CCSER1: variants seen among roughly 807,000 people sequenced by gnomAD.
The protein encoded by CCSER1 is coiled-coil serine rich protein 1.
Under a neutral mutation model 82.0 loss-of-function variants are expected in CCSER1, and 41 were observed. The ratio of observed to expected loss-of-function variants is 0.50; its 90% CI spans 0.39 to 0.65. The LOEUF is 0.65. CCSER1 is among the 30% of genes least tolerant of loss of function. The pLI is 0.00. For synonymous variants in CCSER1, 414 were observed against 383.9 expected (o/e 1.08, Z -0.92); for missense variants, 1,119 against 1,064.2 (o/e 1.05, Z -0.72).
At chr4:90,330,763 A>G (rs1252267138) in intron 3 of CCSER1, among the ~76,000 whole-genome samples, 1 of 152,196 alleles carries the variant, frequency 6.6e-6, no homozygotes, top group Non-Finnish European at 1.5e-5. Flanking sequence ...CTTGAAGGGA[A>G]CTTACTATTA....
chr4:91,182,122 T>C (rs1734091275), intron 10 of CCSER1, among the ~76,000 whole-genome samples: 1 of 152,150 alleles, frequency 6.6e-6, no homozygotes, highest in Non-Finnish European at 1.5e-5. Flanking sequence ...TCGATGGGTG[T>C]TGCTCATGAC....
At chr4:91,069,257 T>C (rs1021275020) in intron 9 of CCSER1, among the ~76,000 whole-genome samples, 7 of 152,186 alleles carry the variant, frequency 4.6e-5, no homozygotes, top group African/African-American at 1.4e-4. Context: ...GATTACCTAG[T>C]TCAGTTTATT....
intron 1 of CCSER1, among the ~76,000 whole-genome samples, chr4:90,199,825 A>G (rs977105735): frequency 2.0e-5 from 3 of 152,034 alleles, no homozygotes; most frequent in South Asian, 2.1e-4. Context: ...CGATGTGCCC[A>G]TCTCCTTACA....
At chr4:91,375,100 A>T (rs1750312275) in intron 10 of CCSER1, among the ~76,000 whole-genome samples, 1 of 152,224 alleles carries the variant, frequency 6.6e-6, no homozygotes, top group African/African-American at 2.4e-5. Flanking sequence ...AGGACTAATT[A>T]TTCTAGATGT....
Position 90,860,491 on chromosome 4 carries a change from G to A in CCSER1, c.2094+44646G>A, listed in dbSNP as rs541180870. ...GTTAACATTTTTTGATATGGTAATA[G>A]TTTCTACTTCTAGATGTGATGCAAT... On this transcript the variant is annotated intron_variant, in intron 8 of 10. Transcript: ENST00000509176. Among the ~76,000 whole-genome samples the A allele has an allele frequency of 3.3e-5, 5 of 151,686 alleles. No homozygotes were observed. In the East Asian group the frequency reaches 7.8e-4, roughly 24 times the overall value.
chr4:90,336,370 T>C (rs1740394701), intron 3 of CCSER1, among the ~76,000 whole-genome samples: 1 of 152,228 alleles, frequency 6.6e-6, no homozygotes, highest in Admixed American at 6.5e-5. Context: ...CATAGGACTC[T>C]ACATGTGTCA....
chr4:91,502,733 TG>T (rs1318001535), intron 10 of CCSER1, among the ~76,000 whole-genome samples: 1 of 152,222 alleles, frequency 6.6e-6, no homozygotes, highest in African/African-American at 2.4e-5. Flanking sequence ...TTTTCTTTTT[TG>T]TTTGTGGTAA....
chr4:90,222,132 TG>T (rs1404700656), intron 1 of CCSER1, among the ~76,000 whole-genome samples: 1 of 152,086 alleles, frequency 6.6e-6, no homozygotes, highest in Non-Finnish European at 1.5e-5. Context: ...GACATAATCT[TG>T]GGGCAACTCT....
chr4:91,204,442 C>T (rs945940949), intron 10 of CCSER1, among the ~76,000 whole-genome samples: 1 of 151,780 alleles, frequency 6.6e-6, no homozygotes, highest in East Asian at 1.9e-4. Flanking sequence ...TTTTGATGTG[C>T]TACTTTGGGG....
chr4:91,491,117 T>A (rs900344107), intron 10 of CCSER1, among the ~76,000 whole-genome samples: 1 of 151,062 alleles, frequency 6.6e-6, no homozygotes, highest in Non-Finnish European at 1.5e-5. Flanking sequence ...TTAATAAAGT[T>A]AAGAAGTAAT....
chr4:91,416,902 T>C (rs1753396315), intron 10 of CCSER1, among the ~76,000 whole-genome samples: 1 of 152,110 alleles, frequency 6.6e-6, no homozygotes, highest in South Asian at 2.1e-4. Context: ...GAAATTATCA[T>C]CAGAGTGAAC....
At chr4:90,128,574 A>C (rs1466681176) in intron 1 of CCSER1, among the ~76,000 whole-genome samples, 1 of 152,040 alleles carries the variant, frequency 6.6e-6, no homozygotes, top group Non-Finnish European at 1.5e-5. Context: ...GCAGAAAGTC[A>C]GCCGTAAGCT....
chr4:91,159,295 C>T (rs896681920), intron 10 of CCSER1, among the ~76,000 whole-genome samples: 5 of 151,930 alleles, frequency 3.3e-5, no homozygotes, highest in African/African-American at 1.2e-4. Context: ...TAAATCAATG[C>T]CATGCTGAAA....
chr4:91,563,449 A>T (rs761565928), intron 10 of CCSER1, among the ~76,000 whole-genome samples: 2 of 151,808 alleles, frequency 1.3e-5, no homozygotes, highest in Non-Finnish European at 2.9e-5. Context: ...ACAGATGCAG[A>T]AAAAGCATTT....
At position 91,129,287 on chromosome 4, in the gene CCSER1, C is replaced by T. The variant is rs1057138145; in HGVS notation, c.2217+43293C>T. Among the ~76,000 whole-genome samples the T allele has an allele frequency of 5.9e-5, 9 of 151,900 alleles. No homozygotes were observed. In the South Asian group the frequency reaches 1.0e-3, roughly 18 times the overall value. ...ATAAGAAAATATATGTTTCAATGAC[C>T]GAAATCCTTCCATAAACCCACTCAG... On this transcript the variant is annotated intron_variant, in intron 10 of 10. Transcript: ENST00000509176.
chr4:91,341,085 G>A (rs931524610), intron 10 of CCSER1, among the ~76,000 whole-genome samples: 1 of 152,074 alleles, frequency 6.6e-6, no homozygotes, highest in Non-Finnish European at 1.5e-5. Context: ...TCTCAGAGGG[G>A]CAGGCTATGA....
chr4:90,570,978 A>T (rs1780050292), intron 5 of CCSER1, among the ~76,000 whole-genome samples: 1 of 152,220 alleles, frequency 6.6e-6, no homozygotes, highest in Admixed American at 6.5e-5. Context: ...CAAACATATG[A>T]AAAAATGCTC....
intron 3 of CCSER1, among the ~76,000 whole-genome samples, chr4:90,367,957 A>G (rs1746562664): frequency 6.6e-6 from 1 of 152,016 alleles, no homozygotes; most frequent in South Asian, 2.1e-4. Context: ...AAAGAGTTTT[A>G]CAGTATTTTA....
intron 10 of CCSER1, among the ~76,000 whole-genome samples, chr4:91,304,908 A>G (rs928277230): frequency 1.3e-5 from 2 of 152,048 alleles, no homozygotes; most frequent in African/African-American, 4.8e-5. Context: ...ATGGTGAATC[A>G]TATGTTTTTC....
Sources: gnomAD v4.1 joint callset for allele counts (sites outside exome capture counted in the v4.1 genomes callset) on GRCh38, gnomAD v4.1.1 for gene constraint, MANE v1.5 for transcripts, NCBI Gene and HGNC (gene_info 2026-07-23, HGNC 2026-07-21) for gene names.